PATJ: variants seen among roughly 807,000 people sequenced by gnomAD.
PATJ encodes inaD-like protein.
PATJ carries 190 observed loss-of-function variants against 224.9 expected under a neutral mutation model. The ratio of observed to expected loss-of-function variants is 0.84; its 90% CI spans 0.75 to 0.95. PATJ has a LOEUF of 0.95. PATJ is among the 40% of genes least tolerant of loss of function. The pLI is 0.00. For synonymous variants in PATJ, 769 were observed against 820.3 expected (o/e 0.94, Z 1.07); for missense variants, 2,121 against 2,270.3 (o/e 0.93, Z 1.34).
chr1:61,808,994 C>T lies in PATJ; in HGVS notation c.1683+464C>T, dbSNP rs77384585. Among the ~76,000 whole-genome samples the T allele has an allele frequency of 3.3e-5, 5 of 152,164 alleles. No homozygotes were observed. The East Asian group carries it at 5.8e-4, about 18-fold the overall frequency. On this transcript the variant is annotated intron_variant, in intron 14 of 43. Coordinates refer to ENST00000642238, the MANE Select transcript of PATJ (RefSeq NM_001350145.3). ...TGAATGTTTCCTAAAAATCAAGACC[C>T]GGGAATACAGGCTTTAAAAAAGGCT...
intron 7 of PATJ, among the ~76,000 whole-genome samples, chr1:61,777,119 G>A (rs552796520): frequency 6.6e-6 from 1 of 152,284 alleles, no homozygotes; most frequent in South Asian, 2.1e-4. Context: ...TTTGGAAGAT[G>A]TTTTCTTGAG....
At chr1:61,777,703 C>CTTTCT (rs1415203243) in intron 7 of PATJ, among the ~76,000 whole-genome samples, 2 of 48,746 alleles carry the variant, frequency 4.1e-5, no homozygotes, top group African/African-American at 2.1e-4. Flanking sequence ...TTCTTTCTTT[C>CTTTCT]TTTTTTTTTT....
intron 27 of PATJ, among the ~76,000 whole-genome samples, chr1:61,943,961 T>C (rs1388905527): frequency 6.6e-6 from 1 of 152,170 alleles, no homozygotes; most frequent in Non-Finnish European, 1.5e-5. Context: ...AAACAGGGTC[T>C]GGAGTGGACC....
chr1:61,995,889 T>G (rs377622491), intron 28 of PATJ, among the ~76,000 whole-genome samples: 35 of 152,250 alleles, frequency 2.3e-4, no homozygotes, highest in African/African-American at 7.5e-4. Flanking sequence ...TCAGTGCCAA[T>G]GTAGGAAAAA....
chr1:62,019,760 T>TA (rs148927201), intron 29 of PATJ, among the ~76,000 whole-genome samples: 131 of 146,032 alleles, frequency 9.0e-4, no homozygotes, highest in Admixed American at 1.1e-3. Context: ...GTTAGTTGAT[T>TA]AAAAAAAAAA....
intron 43 of PATJ, among the ~76,000 whole-genome samples, chr1:62,158,206 AT>A (rs1401763488): frequency 6.7e-6 from 1 of 149,566 alleles, no homozygotes; most frequent in Non-Finnish European, 1.5e-5. Flanking sequence ...CAAGCCATGC[AT>A]TTATTTCTTT....
intron 41 of PATJ, among the ~76,000 whole-genome samples, chr1:62,144,785 T>TATATATATATATATATATATATAG (rs1667871136): frequency 6.9e-6 from 1 of 144,462 alleles, no homozygotes; most frequent in African/African-American, 2.6e-5. Context: ...AAAATATATA[T>TATATATATATATATATATATATAG]ATATATATAT....
At chr1:61,942,627 G>A (rs944299362) in intron 27 of PATJ, among the ~76,000 whole-genome samples, 2 of 151,340 alleles carry the variant, frequency 1.3e-5, no homozygotes, top group Non-Finnish European at 1.5e-5. Context: ...CTCAGCTCAC[G>A]GCAACCTCTG....
At chr1:61,876,557 A>G (rs929862141) in intron 21 of PATJ, among the ~76,000 whole-genome samples, 32 of 152,148 alleles carry the variant, frequency 2.1e-4, no homozygotes, top group African/African-American at 7.7e-4. Context: ...GGGGTGGGGT[A>G]TCCTGTGCAT....
At chr1:62,022,733 G>C (rs905854440) in intron 29 of PATJ, among the ~76,000 whole-genome samples, 1 of 152,138 alleles carries the variant, frequency 6.6e-6, no homozygotes, top group Non-Finnish European at 1.5e-5. Flanking sequence ...AACTCCTGGG[G>C]CTAAAGGAAA....
chr1:61,819,589 A>C (rs1656834448), intron 14 of PATJ, among the ~76,000 whole-genome samples: 1 of 152,136 alleles, frequency 6.6e-6, no homozygotes, highest in African/African-American at 2.4e-5. Flanking sequence ...TCTAGCTCTC[A>C]AAAGCAGCGT....
At chr1:61,939,097 T>C in intron 27 of PATJ, among the ~76,000 whole-genome samples, 1 of 113,688 alleles carries the variant, frequency 8.8e-6, no homozygotes, top group East Asian at 2.8e-4. Flanking sequence ...CACTCCAGCC[T>C]GGGCGACAGA....
At chr1:61,965,585 G>A (rs1682015077) in intron 27 of PATJ, among the ~76,000 whole-genome samples, 5 of 152,216 alleles carry the variant, frequency 3.3e-5, no homozygotes, top group Admixed American at 3.3e-4. Context: ...ACGAGGGGAA[G>A]TGGGTAGCAG....
chr1:61,949,066 G>A (rs1679208252), intron 27 of PATJ, among the ~76,000 whole-genome samples: 2 of 146,664 alleles, frequency 1.4e-5, no homozygotes, highest in Admixed American at 1.4e-4. Context: ...GTCTGTTGTG[G>A]GGTCGGCGGG....
At chr1:61,779,129 A>G (rs1647102435) in intron 7 of PATJ, among the ~76,000 whole-genome samples, 1 of 152,270 alleles carries the variant, frequency 6.6e-6, no homozygotes. Context: ...GCATATGTAT[A>G]CATTTGTGGA....
intron 14 of PATJ, among the ~76,000 whole-genome samples, chr1:61,819,941 G>C (rs1396442541): frequency 6.6e-6 from 1 of 152,168 alleles, no homozygotes; most frequent in African/African-American, 2.4e-5. Flanking sequence ...ATCACTTCAT[G>C]AACATAGATA....
intron 17 of PATJ, among the ~76,000 whole-genome samples, chr1:61,848,159 A>G (rs185924694): frequency 6.6e-6 from 1 of 152,288 alleles, no homozygotes; most frequent in Non-Finnish European, 1.5e-5. Flanking sequence ...TAACTCATGT[A>G]TCCAACTTTT....
At chr1:61,854,190 A>G (rs1663276342) in intron 17 of PATJ, among the ~76,000 whole-genome samples, 1 of 152,204 alleles carries the variant, frequency 6.6e-6, no homozygotes, top group Non-Finnish European at 1.5e-5. Flanking sequence ...GCTAATTCCA[A>G]AGTTTTGTAA....
intron 29 of PATJ, among the ~76,000 whole-genome samples, chr1:62,019,283 G>T (rs1172238667): frequency 6.6e-6 from 1 of 150,846 alleles, no homozygotes; most frequent in Admixed American, 6.6e-5. Context: ...GCTCACTTTG[G>T]GAGGCTAAGG....
Sources: allele counts gnomAD v4.1 joint callset (sites outside exome capture counted in the v4.1 genomes callset), GRCh38; gene constraint gnomAD v4.1.1; transcripts MANE v1.5; gene names NCBI Gene and HGNC (gene_info 2026-07-23, HGNC 2026-07-21).